The following TRAP1 variants were observed in gnomAD, a reference collection of about 807,000 sequenced individuals.
TRAP1 encodes heat shock protein 75 kDa, mitochondrial.
In TRAP1, 102 loss-of-function variants were observed where a neutral mutation model predicts 89.1. The ratio of observed to expected loss-of-function variants is 1.15; its 90% CI spans 0.98 to 1.35. The LOEUF (loss-of-function observed/expected upper bound fraction) is 1.35, where lower values mean the gene tolerates loss of function less well. Among genes scored for constraint, TRAP1 ranks in the 40% most tolerant of loss-of-function variants. The probability of loss-of-function intolerance (pLI) is 0.00; values close to 1 mark genes in which losing one functional copy is unlikely to be tolerated. For missense variants in TRAP1, 1,256 were observed against 945.3 expected (o/e 1.33, Z -4.31); for synonymous variants, 508 against 388.0 (o/e 1.31, Z -3.64).
At position 3,717,518 on chromosome 16, in the gene TRAP1, C is replaced by T. The variant is rs947564916; in HGVS notation, c.-10G>A. 5.3e-5 allele frequency: 72 copies of T among 1,357,160 alleles called. No homozygotes were observed. Among genetic ancestry groups the T allele is most frequent in the Non-Finnish European group, 6.4e-5 (68 of 1,055,836 alleles). 84.1% of individuals were successfully genotyped at this position (1,357,160 alleles called of 1,614,324 possible). On this transcript the variant is annotated 5_prime_UTR_variant, in exon 1 of 18. Coordinates refer to ENST00000246957, the MANE Select transcript of TRAP1 (RefSeq NM_016292.3). Reference sequence around the variant, plus strand: ...GCAGCTCGCGCGCCATGTCGTACTCCCAGAGCGCCGCGCGCAGCCACGCGG... The same window carrying T: ...GCAGCTCGCGCGCCATGTCGTACTCTCAGAGCGCCGCGCGCAGCCACGCGG...
intron 2 of TRAP1, among the ~76,000 whole-genome samples, chr16:3,689,525 AAAAG>A (rs1484986451): frequency 2.0e-5 from 3 of 152,244 alleles, no homozygotes; most frequent in Middle Eastern, 3.4e-3. Context: ...ATCATGAACA[AAAAG>A]AAAGAAGCAG....
At chr16:3,686,588 A>G (rs920843703) in intron 3 of TRAP1, among the ~76,000 whole-genome samples, 3 of 152,146 alleles carry the variant, frequency 2.0e-5, no homozygotes, top group Admixed American at 6.5e-5. Flanking sequence ...AAGTGTTGGG[A>G]TTACAGACGT....
At chr16:3,671,652 C>G in intron 11 of TRAP1, 70 bp downstream of exon 11, 1 of 1,548,922 alleles carries the variant, frequency 6.5e-7, no homozygotes, top group South Asian at 1.1e-5. Flanking sequence ...GGCTAGGGCC[C>G]TCTGGGGGCA....
chr16:3,674,606 G>A (rs1484592402), intron 8 of TRAP1, 112 bp from the exon 9 acceptor site: 1 of 1,349,332 alleles, frequency 7.4e-7, no homozygotes, highest in Non-Finnish European at 1.0e-6. Flanking sequence ...TCCTGGGACA[G>A]ACGGGCGGTG....
intron 8 of TRAP1, 43 bp downstream of exon 8, chr16:3,675,281 T>G (rs749279062): frequency 6.3e-7 from 1 of 1,591,320 alleles, no homozygotes; most frequent in Admixed American, 1.7e-5. Flanking sequence ...CGTACAGATT[T>G]GTCTCCATGT....
At chr16:3,672,505 C>T (rs934115716) in intron 10 of TRAP1, among the ~76,000 whole-genome samples, 195 bp downstream of exon 10, 2 of 152,162 alleles carry the variant, frequency 1.3e-5, no homozygotes, top group African/African-American at 4.8e-5. Flanking sequence ...GTGCTCCCCC[C>T]AGATCAGTCA....
intron 1 of TRAP1, among the ~76,000 whole-genome samples, chr16:3,704,950 TGAAA>T (rs2051420232): frequency 1.3e-5 from 2 of 152,152 alleles, no homozygotes; most frequent in Non-Finnish European, 2.9e-5. Flanking sequence ...AAAGAAAACA[TGAAA>T]GATTTAGTAA....
rs367749789 is a variant in TRAP1, at chr16:3,690,860, G to A, written c.214C>T (p.His72Tyr). 32 of 1,571,190 alleles carry A rather than the reference G, an allele frequency of 2.0e-5. 1 individual carries two copies. The African/African-American group carries it at 4.0e-4, about 20-fold the overall frequency. Residue 72 changes from histidine (H) to tyrosine (Y), a missense_variant, in exon 2 of 18, where the codon CAC becomes TAC. Coordinates refer to ENST00000246957, the MANE Select transcript of TRAP1 (RefSeq NM_016292.3). ...QTAEDKEEPLHSIISSTESVQ... is the reference protein window; with the variant it reads ...QTAEDKEEPLYSIISSTESVQ... ...CTCTCTGTGCTGCTGATAATCGAGTGCAGGGGTTCCTCCTTGTCCTCGGCG... is the reference window on the plus strand; with the variant it reads ...CTCTCTGTGCTGCTGATAATCGAGTACAGGGGTTCCTCCTTGTCCTCGGCG...
intron 1 of TRAP1, among the ~76,000 whole-genome samples, chr16:3,706,921 G>A (rs1411159580): frequency 6.6e-6 from 1 of 152,072 alleles, no homozygotes; most frequent in Non-Finnish European, 1.5e-5. Context: ...TGGTAATTCG[G>A]TTTGACTGTG....
chr16:3,714,360 C>T (rs1477172179), intron 1 of TRAP1, among the ~76,000 whole-genome samples: 1 of 152,186 alleles, frequency 6.6e-6, no homozygotes, highest in Non-Finnish European at 1.5e-5. Context: ...CCACCCCTCA[C>T]AGAAATATTC....
chr16:3,708,973 G>A (rs2051489123), intron 1 of TRAP1, among the ~76,000 whole-genome samples: 2 of 151,640 alleles, frequency 1.3e-5, no homozygotes, highest in Admixed American at 6.6e-5. Flanking sequence ...CCGCCACCAT[G>A]CCCAGATAAT....
At chr16:3,696,632 T>C (rs1316504664) in intron 1 of TRAP1, among the ~76,000 whole-genome samples, 4 of 151,848 alleles carry the variant, frequency 2.6e-5, no homozygotes, top group Non-Finnish European at 5.9e-5. Context: ...CACAGCTCAC[T>C]GCAGCCTCGA....
intron 4 of TRAP1, 143 bp downstream of exon 4, chr16:3,685,853 C>T (rs2051131316): frequency 8.8e-7 from 1 of 1,130,200 alleles, no homozygotes; most frequent in Non-Finnish European, 1.2e-6. Context: ...ATGAGTGCTA[C>T]TGTAACACTA....
rs573353404 is a variant in TRAP1, at chr16:3,714,362, G to A, written c.88+3059C>T. 2.6e-5 allele frequency among the ~76,000 whole-genome samples: 4 copies of A among 152,284 alleles called. No individual in the cohort carries two copies. The East Asian group carries it at 7.7e-4, about 29-fold the overall frequency. On this transcript the variant is annotated intron_variant, in intron 1 of 17. Coordinates refer to ENST00000246957, the MANE Select transcript of TRAP1 (RefSeq NM_016292.3). ...CGGATATCCTAGCCCACCCCTCACA[G>A]AAATATTCTGAGGGTAGGCCAGGCG...
chr16:3,658,351 T>C, intron 17 of TRAP1, 121 bp from the exon 18 acceptor site: 1 of 779,334 alleles, frequency 1.3e-6, no homozygotes. Flanking sequence ...CTCGGCTCAC[T>C]GCAACCTCAG....
At chr16:3,682,836 G>C (rs992325773) in intron 4 of TRAP1, among the ~76,000 whole-genome samples, 3 of 152,066 alleles carry the variant, frequency 2.0e-5, no homozygotes, top group South Asian at 2.1e-4. Flanking sequence ...CCCCAACCTG[G>C]AGACGGAAGA....
chr16:3,683,534 C>T (rs1596724587), intron 4 of TRAP1, among the ~76,000 whole-genome samples: 2 of 151,794 alleles, frequency 1.3e-5, no homozygotes, highest in Middle Eastern at 6.8e-3. Flanking sequence ...TACAGGTGCA[C>T]ACCACCACAT....
chr16:3,690,626 G>A (rs1399004443), intron 2 of TRAP1, among the ~76,000 whole-genome samples: 1 of 152,188 alleles, frequency 6.6e-6, no homozygotes, highest in East Asian at 1.9e-4. Flanking sequence ...GCCACCAGAG[G>A]GGGCAAGACA....
At chr16:3,711,997 G>C (rs2051537666) in intron 1 of TRAP1, among the ~76,000 whole-genome samples, 1 of 151,980 alleles carries the variant, frequency 6.6e-6, no homozygotes, top group Non-Finnish European at 1.5e-5. Context: ...TCGCTATCAA[G>C]ATTCTTTGTC....
Sources: gnomAD v4.1 joint callset for allele counts (sites outside exome capture counted in the v4.1 genomes callset) on GRCh38, gnomAD v4.1.1 for gene constraint, MANE v1.5 for transcripts, NCBI Gene and HGNC (gene_info 2026-07-23, HGNC 2026-07-21) for gene names.